The following LRRC8C variants were observed in gnomAD, a reference collection of about 807,000 sequenced individuals.
LRRC8C encodes volume-regulated anion channel subunit LRRC8C.
A neutral mutation model predicts 55.3 loss-of-function variants in LRRC8C; 20 were observed. That is an observed-to-expected ratio of 0.36 (90% CI 0.25 to 0.53). The LOEUF is 0.53. Ranked by LOEUF, LRRC8C falls within the 20% of genes least tolerant of loss-of-function variation. The probability of loss-of-function intolerance (pLI) is 0.92; values close to 1 mark genes in which losing one functional copy is unlikely to be tolerated. For synonymous variants in LRRC8C, 376 were observed against 360.7 expected (o/e 1.04, Z -0.48); for missense variants, 659 against 951.4 (o/e 0.69, Z 4.04).
At chr1:89,618,136 CT>C in the LRRC8C span, among the ~76,000 whole-genome samples, 1 of 152,210 alleles carries the variant, frequency 6.6e-6, no homozygotes, top group Non-Finnish European at 1.5e-5. Context: ...TCAGGTCAAG[CT>C]GGCCCAAAGT....
intron 2 of LRRC8C, among the ~76,000 whole-genome samples, chr1:89,690,449 C>G (rs1354385364): frequency 2.0e-5 from 3 of 152,248 alleles, no homozygotes; most frequent in Admixed American, 2.0e-4. Context: ...CACTATCAAC[C>G]TGTCTTTATT....
At chr1:89,671,341 A>G (rs185372266) in intron 1 of LRRC8C, among the ~76,000 whole-genome samples, 5 of 150,058 alleles carry the variant, frequency 3.3e-5, no homozygotes, top group Admixed American at 2.6e-4. Context: ...GGCATACTCA[A>G]GGAAGGGAAG....
chr1:89,636,607 T>A (rs1253241262), intron 1 of LRRC8C, among the ~76,000 whole-genome samples: 4 of 150,536 alleles, frequency 2.7e-5, no homozygotes, highest in Non-Finnish European at 4.4e-5. Context: ...ACAATGCCAG[T>A]CTCTCCCCAC....
At position 89,644,367 on chromosome 1, in the gene LRRC8C, G is replaced by C. The variant is rs374826077; in HGVS notation, c.-5+11045G>C. Among the ~76,000 whole-genome samples the C allele has an allele frequency of 2.0e-4, 31 of 152,210 alleles. 1 individual carries two copies. The highest frequency in any genetic ancestry group is 7.2e-4 in the African/African-American group (30 of 41,538). On this transcript the variant is annotated intron_variant, in intron 1 of 2. Transcript: ENST00000370454. Reference sequence around the variant, plus strand: ...TGTTTTGTATATTTAGTAGAGACAGGGTTTTACCATGTTGCCTACACTTGC... The same window carrying C: ...TGTTTTGTATATTTAGTAGAGACAGCGTTTTACCATGTTGCCTACACTTGC...
At chr1:89,625,881 A>G in the LRRC8C span, among the ~76,000 whole-genome samples, 1 of 152,370 alleles carries the variant, frequency 6.6e-6, no homozygotes, top group Non-Finnish European at 1.5e-5. Context: ...GACAGGCTCT[A>G]TGGCATATTG....
At chr1:89,661,323 TC>T in intron 1 of LRRC8C, 2 of 358,038 alleles carry the variant, frequency 5.6e-6, no homozygotes, top group Middle Eastern at 1.1e-3. Context: ...ATTCTTTCTG[TC>T]CCAACTAACA....
intron 1 of LRRC8C, among the ~76,000 whole-genome samples, chr1:89,662,532 A>G (rs1303571897): frequency 2.0e-5 from 3 of 152,204 alleles, no homozygotes; most frequent in Non-Finnish European, 4.4e-5. Context: ...AGATATTGCA[A>G]TAATCTTGCA....
chr1:89,685,098 G>GTTTTTT (rs1657830322), intron 1 of LRRC8C, among the ~76,000 whole-genome samples: 1 of 115,116 alleles, frequency 8.7e-6, no homozygotes, highest in African/African-American at 3.2e-5. Context: ...TGTCTATCTA[G>GTTTTTT]TTCTTTTTTT....
chr1:89,623,536 C>T, the LRRC8C span, among the ~76,000 whole-genome samples: 1 of 152,122 alleles, frequency 6.6e-6, no homozygotes, highest in African/African-American at 2.4e-5. Context: ...TCCTGGCTAA[C>T]ACAGTGAAAT....
At chr1:89,696,515 G>A (rs1658176253) in intron 2 of LRRC8C, among the ~76,000 whole-genome samples, 1 of 152,102 alleles carries the variant, frequency 6.6e-6, no homozygotes, top group African/African-American at 2.4e-5. Context: ...GAAGAGAGAG[G>A]GGAGAGAGAT....
chr1:89,682,011 A>G (rs1657727645), intron 1 of LRRC8C, among the ~76,000 whole-genome samples: 1 of 151,936 alleles, frequency 6.6e-6, no homozygotes, highest in Admixed American at 6.5e-5. Context: ...CCTCATTTCT[A>G]CTAAAAATAC....
chr1:89,680,268 G>A (rs981380676), intron 1 of LRRC8C, among the ~76,000 whole-genome samples: 12 of 151,860 alleles, frequency 7.9e-5, no homozygotes, highest in Admixed American at 2.6e-4. Context: ...TAGTAGAGAC[G>A]GGGTTTCACC....
At position 89,699,960 on chromosome 1, in the gene LRRC8C, G is replaced by A. The variant is rs144154147; in HGVS notation, c.139-12749G>A. On this transcript the variant is annotated intron_variant, in intron 2 of 2. Coordinates refer to ENST00000370454, the MANE Select transcript of LRRC8C (RefSeq NM_032270.5). Reference sequence around the variant, plus strand: ...TTTCAGAGTTAATTCTATCACTGATGAGGGGAATCAATCTCATGCGTTTGG... The same window carrying A: ...TTTCAGAGTTAATTCTATCACTGATAAGGGGAATCAATCTCATGCGTTTGG... Among the ~76,000 whole-genome samples the A allele has an allele frequency of 2.0e-5, 3 of 152,306 alleles. No individual in the cohort carries two copies. In the East Asian group the frequency reaches 5.8e-4, roughly 29 times the overall value.
intron 1 of LRRC8C, among the ~76,000 whole-genome samples, chr1:89,669,218 A>G (rs1657351047): frequency 6.6e-6 from 1 of 152,144 alleles, no homozygotes; most frequent in Non-Finnish European, 1.5e-5. Flanking sequence ...TATGTGAAGT[A>G]TCTAAAGTAG....
At chr1:89,659,008 A>G (rs779423710) in intron 1 of LRRC8C, among the ~76,000 whole-genome samples, 3 of 150,340 alleles carry the variant, frequency 2.0e-5, no homozygotes, top group Non-Finnish European at 4.4e-5. Flanking sequence ...TGATATTATA[A>G]TGAGAGTTAA....
chr1:89,682,005 A>C (rs1206841437), intron 1 of LRRC8C, among the ~76,000 whole-genome samples: 1 of 152,056 alleles, frequency 6.6e-6, no homozygotes, highest in South Asian at 2.1e-4. Context: ...GTGAAACCTC[A>C]TTTCTACTAA....
chr1:89,684,047 G>A (rs1213276102), intron 1 of LRRC8C, among the ~76,000 whole-genome samples: 6 of 152,008 alleles, frequency 3.9e-5, no homozygotes, highest in Admixed American at 3.3e-4. Context: ...TCATAATGAT[G>A]TATCTTGATG....
chr1:89,677,462 A>G (rs1657583063), intron 1 of LRRC8C, among the ~76,000 whole-genome samples: 1 of 152,236 alleles, frequency 6.6e-6, no homozygotes, highest in Non-Finnish European at 1.5e-5. Flanking sequence ...AGAAACATGA[A>G]AAGAGAAATT....
chr1:89,636,427 A>G (rs377051034), intron 1 of LRRC8C, among the ~76,000 whole-genome samples: 1 of 152,240 alleles, frequency 6.6e-6, no homozygotes, highest in East Asian at 1.9e-4. Flanking sequence ...GTCTTGAGTC[A>G]GAAACATGTA....
Sources: allele counts gnomAD v4.1 joint callset (sites outside exome capture counted in the v4.1 genomes callset), GRCh38; gene constraint gnomAD v4.1.1; transcripts MANE v1.5; gene names NCBI Gene and HGNC (gene_info 2026-07-23, HGNC 2026-07-21).